NR1H4: variants seen among roughly 807,000 people sequenced by gnomAD.
The protein encoded by NR1H4 is nuclear receptor subfamily 1 group H member 4, also known as bile acid receptor.
A neutral mutation model predicts 58.5 loss-of-function variants in NR1H4; 23 were observed. The ratio of observed to expected loss-of-function variants is 0.39; its 90% CI spans 0.28 to 0.56. NR1H4 has a LOEUF of 0.56. Ranked by LOEUF, NR1H4 falls within the 20% of genes least tolerant of loss-of-function variation. NR1H4 has a pLI of 0.58. For synonymous variants in NR1H4, 214 were observed against 198.0 expected, an observed-to-expected ratio of 1.08 and a Z score of -0.68; for missense variants, 487 against 576.9, an observed-to-expected ratio of 0.84 and a Z score of 1.60.
At chr12:100,481,551 A>T (rs1012627605) in intron 1 of NR1H4, among the ~76,000 whole-genome samples, 1 of 152,146 alleles carries the variant, frequency 6.6e-6, no homozygotes, top group Non-Finnish European at 1.5e-5. Flanking sequence ...AGGTGGGCAG[A>T]TTGCTTGAGC....
chr12:100,518,855 A>G (rs1419937918), intron 4 of NR1H4, among the ~76,000 whole-genome samples: 1 of 149,122 alleles, frequency 6.7e-6, no homozygotes, highest in Non-Finnish European at 1.5e-5. Context: ...CGCAGTGGCA[A>G]TCTTGGCCCA....
chr12:100,488,415 G>T (rs1215949469), intron 1 of NR1H4, among the ~76,000 whole-genome samples: 1 of 152,182 alleles, frequency 6.6e-6, no homozygotes, highest in Non-Finnish European at 1.5e-5. Flanking sequence ...CAGTCTCATG[G>T]ACAAGGCATA....
intron 9 of NR1H4, among the ~76,000 whole-genome samples, chr12:100,560,765 C>T (rs1366471548): frequency 6.6e-6 from 1 of 152,100 alleles, no homozygotes; most frequent in Non-Finnish European, 1.5e-5. Flanking sequence ...AGTAAAGAGG[C>T]AACTGCAGTA....
At chr12:100,484,266 ATCAGAG>A (rs1274205064) in intron 1 of NR1H4, among the ~76,000 whole-genome samples, 3 of 152,178 alleles carry the variant, frequency 2.0e-5, no homozygotes, top group African/African-American at 7.2e-5. Flanking sequence ...ATTCCTCTAA[ATCAGAG>A]TCAAAGTTAT....
At chr12:100,498,720 A>G (rs917311335) in intron 3 of NR1H4, among the ~76,000 whole-genome samples, 6 of 152,174 alleles carry the variant, frequency 3.9e-5, no homozygotes, top group Non-Finnish European at 7.3e-5. Context: ...TACATTGCTA[A>G]CAACAGCTTT....
intron 3 of NR1H4, among the ~76,000 whole-genome samples, chr12:100,495,548 T>TAG: frequency 7.2e-6 from 1 of 139,460 alleles, no homozygotes; most frequent in South Asian, 2.3e-4. Context: ...CTGGCCAACA[T>TAG]GGTTAAACCC....
chr12:100,475,124 C>CCTACCTAT (rs1555330007), intron 1 of NR1H4, among the ~76,000 whole-genome samples: 1 of 143,210 alleles, frequency 7.0e-6, no homozygotes, highest in South Asian at 2.3e-4. Flanking sequence ...AAGTGGTTTA[C>CCTACCTAT]CTATCTATCT....
intron 9 of NR1H4, among the ~76,000 whole-genome samples, chr12:100,543,650 C>G (rs1954989808): frequency 1.3e-5 from 2 of 151,940 alleles, no homozygotes; most frequent in African/African-American, 4.8e-5. Flanking sequence ...TTCTACAAGT[C>G]TTACTGCTTT....
chr12:100,509,619 A>T (rs1197816778), intron 3 of NR1H4, among the ~76,000 whole-genome samples: 1 of 152,232 alleles, frequency 6.6e-6, no homozygotes, highest in Non-Finnish European at 1.5e-5. Context: ...AGAAGACTGC[A>T]ACTTAAAGAC....
intron 8 of NR1H4, among the ~76,000 whole-genome samples, chr12:100,538,416 G>A (rs908670466): frequency 2.0e-5 from 3 of 152,276 alleles, no homozygotes; most frequent in South Asian, 2.1e-4. Flanking sequence ...TTCAAAAATC[G>A]ATAGGGCTTG....
At chr12:100,513,263 G>A (rs1954169959) in intron 4 of NR1H4, among the ~76,000 whole-genome samples, 1 of 152,180 alleles carries the variant, frequency 6.6e-6, no homozygotes, top group African/African-American at 2.4e-5. Flanking sequence ...GAAAAACCAT[G>A]TTCATCACTG....
At chr12:100,488,733 G>A (rs1345869085) in intron 1 of NR1H4, among the ~76,000 whole-genome samples, 1 of 151,734 alleles carries the variant, frequency 6.6e-6, no homozygotes, top group Non-Finnish European at 1.5e-5. Flanking sequence ...GATAAGGGAG[G>A]GTAAAAAGTT....
intron 9 of NR1H4, among the ~76,000 whole-genome samples, chr12:100,555,760 A>G (rs1955308871): frequency 1.3e-5 from 2 of 152,208 alleles, no homozygotes; most frequent in African/African-American, 4.8e-5. Flanking sequence ...AATTTAAGTA[A>G]TGTCCCAAGA....
rs767423769 is a variant in NR1H4, at chr12:100,511,177, G to C, written c.445+34G>C. Reference sequence around the variant, plus strand: ...CTTTGATTGGCAGTTTTCTCCTTCAGGTTTTACTATATTGGTTGTTGAAAT... The same window carrying C: ...CTTTGATTGGCAGTTTTCTCCTTCACGTTTTACTATATTGGTTGTTGAAAT... On this transcript the variant is annotated intron_variant, in intron 4 of 10. Coordinates refer to ENST00000392986, the MANE Select transcript of NR1H4 (RefSeq NM_001206979.2). 1.5e-5 allele frequency: 25 copies of C among 1,614,032 alleles called. No individual in the cohort carries two copies. In the South Asian group the frequency reaches 2.6e-4, roughly 17 times the overall value.
Position 100,536,832 on chromosome 12 carries a change from A to C in NR1H4, c.832-116A>C, listed in dbSNP as rs909672875. On this transcript the variant is annotated intron_variant, in intron 7 of 10. Coordinates refer to ENST00000392986, the MANE Select transcript of NR1H4 (RefSeq NM_001206979.2). ...ATTGCCCTCCAAAGATCTGAGAAAT[A>C]GTAAGATGGGTTTTCAAATTTTATC... is the stretch of plus-strand genomic sequence containing the variant. 7 of 710,996 alleles carry C rather than the reference A, an allele frequency of 9.8e-6. No individual in the cohort carries two copies. In the African/African-American group the frequency reaches 1.3e-4, roughly 13 times the overall value. The allele number at this position is 710,996 out of a possible 1,614,324, so 44.0% of individuals were successfully genotyped here.
chr12:100,523,746 C>T lies in NR1H4; in HGVS notation c.446-8712C>T, dbSNP rs2136205143. On this transcript the variant is annotated intron_variant, in intron 4 of 10. Coordinates refer to ENST00000392986, the MANE Select transcript of NR1H4 (RefSeq NM_001206979.2). ...GTCATACACTGTTTTCAAAACTCTCCCTCTTCCTATTAGTTAACCCAATTC... is the reference window on the plus strand; with the variant it reads ...GTCATACACTGTTTTCAAAACTCTCTCTCTTCCTATTAGTTAACCCAATTC... Among the ~76,000 whole-genome samples the T allele has an allele frequency of 1.3e-5, 2 of 152,216 alleles. 1 individual carries two copies. The highest frequency in any genetic ancestry group is 6.8e-3 in the Middle Eastern group (2 of 294).
intron 4 of NR1H4, among the ~76,000 whole-genome samples, chr12:100,524,256 C>T (rs1031465348): frequency 6.6e-6 from 1 of 152,174 alleles, no homozygotes; most frequent in Non-Finnish European, 1.5e-5. Context: ...GGCATTTAAG[C>T]AGCAGTTTGG....
intron 9 of NR1H4, among the ~76,000 whole-genome samples, chr12:100,553,542 T>C (rs917125094): frequency 6.6e-6 from 1 of 152,122 alleles, no homozygotes; most frequent in Non-Finnish European, 1.5e-5. Context: ...ACATAAAAAG[T>C]GTATCCCACT....
chr12:100,561,346 C>T (rs1955468555), intron 9 of NR1H4, among the ~76,000 whole-genome samples: 1 of 151,864 alleles, frequency 6.6e-6, no homozygotes, highest in African/African-American at 2.4e-5. Context: ...TGCTGTAAGC[C>T]GAGATCACGC....
Sources: gnomAD v4.1 joint callset for allele counts (sites outside exome capture counted in the v4.1 genomes callset) on GRCh38, gnomAD v4.1.1 for gene constraint, MANE v1.5 for transcripts, NCBI Gene and HGNC (gene_info 2026-07-23, HGNC 2026-07-21) for gene names.